Variants in FER observed in about 807,000 individuals in gnomAD.
The protein encoded by FER is FER tyrosine kinase.
Under a neutral mutation model 111.0 loss-of-function variants are expected in FER, and 63 were observed. That is an observed-to-expected ratio of 0.57 (90% confidence interval 0.46 to 0.70). FER has a LOEUF of 0.70. FER is among the 30% of genes least tolerant of loss of function. The pLI is 0.00. For missense variants in FER, 914 were observed against 954.0 expected (o/e 0.96, Z 0.55); for synonymous variants, 327 against 313.9 (o/e 1.04, Z -0.44).
At chr5:108,960,137 GTTGATATGACTTTTATACAT>G (rs1168358964) in intron 13 of FER, among the ~76,000 whole-genome samples, 3 of 152,090 alleles carry the variant, frequency 2.0e-5, no homozygotes, top group Admixed American at 6.6e-5. Flanking sequence ...ATTAATATTT[GTTGATATGACTTTTATACAT>G]TTAGGGATTG....
chr5:108,762,746 G>T (rs887862120), intron 1 of FER, among the ~76,000 whole-genome samples: 32 of 152,048 alleles, frequency 2.1e-4, no homozygotes, highest in African/African-American at 7.7e-4. Flanking sequence ...ACCATTCACT[G>T]CACACAGGCC....
chr5:108,990,392 T>G (rs1307969572), intron 13 of FER, among the ~76,000 whole-genome samples: 1 of 151,922 alleles, frequency 6.6e-6, no homozygotes. Context: ...TATTGATTTA[T>G]GTATATCAAT....
At chr5:109,101,543 T>G (rs1229830826) in intron 17 of FER, among the ~76,000 whole-genome samples, 1 of 152,076 alleles carries the variant, frequency 6.6e-6, no homozygotes. Flanking sequence ...TTACTCAGTG[T>G]TCAGCTTTAT....
At chr5:109,187,412 C>G (rs771945437) in intron 19 of FER, 21 bp from the exon 20 acceptor site, 51 of 1,607,448 alleles carry the variant, frequency 3.2e-5, no homozygotes, top group Non-Finnish European at 4.1e-5. Context: ...AAATTCTGTT[C>G]TCCTTCTCTT....
intron 3 of FER, among the ~76,000 whole-genome samples, chr5:108,807,076 T>A (rs1561448549): frequency 6.6e-6 from 1 of 152,154 alleles, no homozygotes; most frequent in Non-Finnish European, 1.5e-5. Context: ...TGGAGGCAGA[T>A]CTTTCCTGTG....
intron 16 of FER, among the ~76,000 whole-genome samples, chr5:109,057,881 C>G (rs1216002021): frequency 6.6e-6 from 1 of 152,118 alleles, no homozygotes; most frequent in Admixed American, 6.5e-5. Flanking sequence ...TTATTTGAGG[C>G]CAGCATTACC....
intron 17 of FER, among the ~76,000 whole-genome samples, chr5:109,109,299 A>T (rs1331603794): frequency 6.6e-6 from 1 of 152,172 alleles, no homozygotes; most frequent in African/African-American, 2.4e-5. Context: ...ATACACATGT[A>T]TGTGCATATA....
chr5:108,896,573 A>T (rs1350623137), intron 9 of FER, among the ~76,000 whole-genome samples: 2 of 152,112 alleles, frequency 1.3e-5, no homozygotes, highest in Admixed American at 6.6e-5. Context: ...GTTTGTTAGG[A>T]CACTCACCTG....
At chr5:108,804,987 T>C (rs1757047705) in intron 3 of FER, among the ~76,000 whole-genome samples, 1 of 151,724 alleles carries the variant, frequency 6.6e-6, no homozygotes, top group Non-Finnish European at 1.5e-5. Flanking sequence ...TTTAATTGGA[T>C]AGGTTTTTTA....
intron 2 of FER, among the ~76,000 whole-genome samples, chr5:108,775,715 A>G (rs1373111331): frequency 6.6e-6 from 1 of 152,202 alleles, no homozygotes; most frequent in African/African-American, 2.4e-5. Flanking sequence ...TAGAACCAAC[A>G]CTTTCAAATT....
At chr5:108,850,138 T>TGAGCCTA (rs1762413273) in intron 5 of FER, among the ~76,000 whole-genome samples, 1 of 151,242 alleles carries the variant, frequency 6.6e-6, no homozygotes, top group African/African-American at 2.4e-5. Context: ...GAGGTTGCAG[T>TGAGCCTA]GAGCCTAGAT....
intron 17 of FER, among the ~76,000 whole-genome samples, chr5:109,106,731 T>A (rs1056615038): frequency 1.3e-5 from 2 of 152,114 alleles, no homozygotes; most frequent in African/African-American, 4.8e-5. Context: ...TTATTCAGGG[T>A]AAAAATTTCC....
At chr5:108,878,486 T>C (rs544935268) in intron 8 of FER, among the ~76,000 whole-genome samples, 1 of 152,296 alleles carries the variant, frequency 6.6e-6, no homozygotes, top group South Asian at 2.1e-4. Context: ...TCATCTTCTT[T>C]TTTTTAACAT....
chr5:109,001,346 C>T (rs185259777), intron 13 of FER, among the ~76,000 whole-genome samples: 20 of 152,256 alleles, frequency 1.3e-4, no homozygotes, highest in African/African-American at 4.8e-4. Flanking sequence ...AATCAATAAA[C>T]GTAATCCAGC....
chr5:109,142,808 T>A (rs975300942), intron 17 of FER, among the ~76,000 whole-genome samples: 15 of 152,166 alleles, frequency 9.9e-5, no homozygotes, highest in African/African-American at 2.9e-4. Context: ...ATTTTAGCAT[T>A]GAACTCCTTC....
At chr5:109,044,022 A>T (rs1261469770) in intron 14 of FER, among the ~76,000 whole-genome samples, 1 of 152,170 alleles carries the variant, frequency 6.6e-6, no homozygotes, top group Non-Finnish European at 1.5e-5. Context: ...TATGTAAAAA[A>T]TACATATGCA....
chr5:108,984,989 C>A (rs1410759687), intron 13 of FER, among the ~76,000 whole-genome samples: 2 of 151,942 alleles, frequency 1.3e-5, no homozygotes, highest in African/African-American at 4.8e-5. Flanking sequence ...TTAATGTTAG[C>A]AATTTTGAGT....
intron 13 of FER, among the ~76,000 whole-genome samples, chr5:109,005,749 G>T (rs1357109516): frequency 6.6e-6 from 1 of 152,154 alleles, no homozygotes; most frequent in East Asian, 1.9e-4. Context: ...TTTCCCTTCA[G>T]TTGAAGTTCC....
intron 3 of FER, among the ~76,000 whole-genome samples, 168 bp from the exon 4 acceptor site, chr5:108,832,602 G>A (rs994858533): frequency 6.6e-6 from 1 of 152,130 alleles, no homozygotes; most frequent in African/African-American, 2.4e-5. Flanking sequence ...AGTTGAAGAC[G>A]TTAAATATGA....
Sources: gnomAD v4.1 joint callset for allele counts (sites outside exome capture counted in the v4.1 genomes callset) on GRCh38, gnomAD v4.1.1 for gene constraint, MANE v1.5 for transcripts, NCBI Gene and HGNC (gene_info 2026-07-23, HGNC 2026-07-21) for gene names.